The following ROBO2 variants were observed in gnomAD, a reference collection of about 807,000 sequenced individuals.
ROBO2 encodes the protein roundabout homolog 2.
Under a neutral mutation model 160.8 loss-of-function variants are expected in ROBO2, and 53 were observed. The observed-to-expected ratio is 0.33, with a 90% CI of 0.26 to 0.41. ROBO2 has a LOEUF of 0.41. ROBO2 is among the 10% of genes least tolerant of loss of function. The pLI is 1.00. For synonymous variants in ROBO2, 664 were observed against 611.7 expected (o/e 1.09, Z -1.26); for missense variants, 1,577 against 1,722.4 (o/e 0.92, Z 1.49).
chr3:75,952,515 G>A (rs951069088), intron 2 of ROBO2, among the ~76,000 whole-genome samples: 1 of 151,920 alleles, frequency 6.6e-6, no homozygotes. Context: ...TAGGTTTGCA[G>A]AAAGAAGTGA....
chr3:76,808,499 A>C (rs887831464), intron 2 of ROBO2, among the ~76,000 whole-genome samples: 21 of 152,172 alleles, frequency 1.4e-4, no homozygotes, highest in Non-Finnish European at 3.1e-4. Flanking sequence ...ACAAAGAAGA[A>C]GACAAAAAAT....
intron 2 of ROBO2, among the ~76,000 whole-genome samples, chr3:76,526,579 TAAAA>T (rs1458008624): frequency 6.6e-6 from 1 of 152,082 alleles, no homozygotes; most frequent in East Asian, 1.9e-4. Context: ...AAGAGTGCTA[TAAAA>T]TTTTAGTTTT....
At chr3:76,148,952 A>G (rs1380795344) in intron 2 of ROBO2, among the ~76,000 whole-genome samples, 4 of 152,066 alleles carry the variant, frequency 2.6e-5, no homozygotes, top group African/African-American at 7.2e-5. Context: ...TGTATATGCT[A>G]ATGACATCCA....
chr3:76,460,535 G>A (rs2078029717), intron 2 of ROBO2, among the ~76,000 whole-genome samples: 1 of 152,166 alleles, frequency 6.6e-6, no homozygotes, highest in Non-Finnish European at 1.5e-5. Flanking sequence ...CAAACCAGCT[G>A]ACATGTTGTA....
intron 2 of ROBO2, among the ~76,000 whole-genome samples, chr3:76,897,442 C>T (rs1485832126): frequency 2.6e-5 from 4 of 152,026 alleles, no homozygotes; most frequent in Non-Finnish European, 5.9e-5. Flanking sequence ...AACGGCAAAA[C>T]AGAGGGTGAG....
chr3:77,629,256 G>C (rs2153711279), intron 23 of ROBO2: 1 of 152,228 alleles, frequency 6.6e-6, no homozygotes. Flanking sequence ...TCTGCTAGGA[G>C]GTCTCACAGG....
At chr3:77,205,003 C>A (rs928437860) in intron 2 of ROBO2, among the ~76,000 whole-genome samples, 1 of 152,102 alleles carries the variant, frequency 6.6e-6, no homozygotes, top group Non-Finnish European at 1.5e-5. Context: ...GTGCAGGAGC[C>A]GGGCGGGGCA....
chr3:77,323,775 A>G (rs1369668653), intron 2 of ROBO2, among the ~76,000 whole-genome samples: 1 of 152,154 alleles, frequency 6.6e-6, no homozygotes, highest in Non-Finnish European at 1.5e-5. Context: ...ACAATTTTCA[A>G]GCTTTGAAAG....
chr3:77,131,534 G>A (rs1439319558), intron 2 of ROBO2, among the ~76,000 whole-genome samples: 2 of 152,024 alleles, frequency 1.3e-5, no homozygotes, highest in Admixed American at 6.6e-5. Flanking sequence ...AAAATCAATA[G>A]TAAAAAGAGA....
intron 2 of ROBO2, among the ~76,000 whole-genome samples, chr3:76,025,508 A>T (rs938161989): frequency 6.6e-6 from 1 of 151,910 alleles, no homozygotes; most frequent in South Asian, 2.1e-4. Flanking sequence ...TGTGGATTAG[A>T]TATCAATCAT....
intron 2 of ROBO2, among the ~76,000 whole-genome samples, chr3:76,484,549 G>A (rs777471085): frequency 3.3e-5 from 5 of 152,058 alleles, no homozygotes; most frequent in African/African-American, 4.8e-5. Context: ...CTCTCCCCAG[G>A]AGAAGTTGAA....
At chr3:76,818,412 T>C (rs934090017) in intron 2 of ROBO2, among the ~76,000 whole-genome samples, 2 of 152,092 alleles carry the variant, frequency 1.3e-5, no homozygotes, top group African/African-American at 4.8e-5. Context: ...GTTGGATGTA[T>C]AGACTGTGAA....
chr3:77,206,189 G>C (rs1284122353), intron 2 of ROBO2, among the ~76,000 whole-genome samples: 1 of 151,668 alleles, frequency 6.6e-6, no homozygotes, highest in Non-Finnish European at 1.5e-5. Flanking sequence ...TTTATTTTGA[G>C]ACAGAATTTT....
intron 2 of ROBO2, among the ~76,000 whole-genome samples, chr3:76,465,531 TAAG>T (rs957773018): frequency 9.9e-5 from 15 of 152,134 alleles, no homozygotes; most frequent in Middle Eastern, 6.8e-3. Flanking sequence ...TGATGGATGA[TAAG>T]AAGAAATTAT....
At chr3:76,674,702 C>A (rs2092362683) in intron 2 of ROBO2, among the ~76,000 whole-genome samples, 1 of 150,848 alleles carries the variant, frequency 6.6e-6, no homozygotes, top group Admixed American at 6.6e-5. Context: ...TGTTTAAAAA[C>A]CAGATTCTGA....
chr3:77,367,463 A>G (rs1033189797), intron 2 of ROBO2, among the ~76,000 whole-genome samples: 1 of 152,132 alleles, frequency 6.6e-6, no homozygotes, highest in South Asian at 2.1e-4. Flanking sequence ...CACTTTGGAA[A>G]TGATGATAAC....
chr3:76,879,236 A>T (rs968857821), intron 2 of ROBO2, among the ~76,000 whole-genome samples: 1 of 152,122 alleles, frequency 6.6e-6, no homozygotes, highest in Non-Finnish European at 1.5e-5. Flanking sequence ...GAGAAAAATC[A>T]TGTATTCACT....
intron 2 of ROBO2, among the ~76,000 whole-genome samples, chr3:75,973,261 A>T (rs924809429): frequency 1.3e-5 from 2 of 151,746 alleles, no homozygotes; most frequent in Non-Finnish European, 3.0e-5. Flanking sequence ...TAAAAATGAC[A>T]AAAATTTAAT....
At chr3:76,966,040 A>G (rs2059276297) in intron 2 of ROBO2, among the ~76,000 whole-genome samples, 1 of 148,398 alleles carries the variant, frequency 6.7e-6, no homozygotes, top group Non-Finnish European at 1.5e-5. Context: ...CTCCTGCCTC[A>G]GCCTCCCTCA....
Sources: allele counts gnomAD v4.1 joint callset (sites outside exome capture counted in the v4.1 genomes callset), GRCh38; gene constraint gnomAD v4.1.1; transcripts MANE v1.5; gene names NCBI Gene and HGNC (gene_info 2026-07-23, HGNC 2026-07-21).